Variants in CYP39A1 observed in about 807,000 individuals in gnomAD.
The protein encoded by CYP39A1 is cytochrome P450 family 39 subfamily A member 1.
A neutral mutation model predicts 58.1 loss-of-function variants in CYP39A1; 49 were observed. The observed-to-expected ratio is 0.84, with a 90% CI of 0.67 to 1.07. The LOEUF (loss-of-function observed/expected upper bound fraction) is 1.07, where lower values mean the gene tolerates loss of function less well. CYP39A1 is among the 50% of genes least tolerant of loss of function. The pLI is 0.00. For synonymous variants in CYP39A1, 209 were observed against 187.6 expected, an observed-to-expected ratio of 1.11 and a Z score of -0.93; for missense variants, 531 against 539.4, an observed-to-expected ratio of 0.98 and a Z score of 0.16.
At chr6:46,572,701 A>T (rs1176813287) in intron 10 of CYP39A1, among the ~76,000 whole-genome samples, 1 of 152,124 alleles carries the variant, frequency 6.6e-6, no homozygotes, top group Non-Finnish European at 1.5e-5. Flanking sequence ...AAATGTCCAT[A>T]TCTCTCTCAG....
chr6:46,616,192 T>TCCCTCCC (rs1283484565), intron 7 of CYP39A1, among the ~76,000 whole-genome samples: 1 of 3,760 alleles, frequency 2.7e-4, no homozygotes, highest in Admixed American at 2.4e-3. Context: ...TCTTTCTTCT[T>TCCCTCCC]TCCCTCCCTC....
intron 10 of CYP39A1, among the ~76,000 whole-genome samples, chr6:46,580,135 G>A (rs1772046479): frequency 6.6e-6 from 1 of 152,092 alleles, no homozygotes; most frequent in African/African-American, 2.4e-5. Flanking sequence ...CAAACAGCAT[G>A]ATACTGGTAC....
At chr6:46,651,006 G>C (rs1486754597) in intron 1 of CYP39A1, among the ~76,000 whole-genome samples, 1 of 152,180 alleles carries the variant, frequency 6.6e-6, no homozygotes, top group Non-Finnish European at 1.5e-5. Context: ...AAATTGCAAA[G>C]AATTATGGTA....
At chr6:46,557,566 C>A (rs986844105) in intron 10 of CYP39A1, among the ~76,000 whole-genome samples, 7 of 150,078 alleles carry the variant, frequency 4.7e-5, no homozygotes, top group African/African-American at 1.7e-4. Context: ...TAGCTTGAAC[C>A]AGGGAGGAGG....
intron 7 of CYP39A1, among the ~76,000 whole-genome samples, chr6:46,624,005 C>A (rs946827851): frequency 6.6e-6 from 1 of 152,084 alleles, no homozygotes; most frequent in African/African-American, 2.4e-5. Context: ...CAGAAGAGAA[C>A]AATGGGTTTT....
At chr6:46,650,306 G>T (rs1418689256) in intron 1 of CYP39A1, among the ~76,000 whole-genome samples, 1 of 151,698 alleles carries the variant, frequency 6.6e-6, no homozygotes, top group African/African-American at 2.4e-5. Context: ...GGGTAGGCTG[G>T]TGTGAGCCTT....
chr6:46,562,030 T>G lies in CYP39A1; in HGVS notation c.1251-8176A>C, dbSNP rs1423568958. Reference sequence around the variant, plus strand: ...GTTGCTAAGAGAGTAGTTTGTTTGTTTGTTTGTTTTTTGAGACAGTCTCAC... The same window carrying G: ...GTTGCTAAGAGAGTAGTTTGTTTGTGTGTTTGTTTTTTGAGACAGTCTCAC... On this transcript the variant is annotated intron_variant, in intron 10 of 11. Coordinates refer to ENST00000275016, the MANE Select transcript of CYP39A1 (RefSeq NM_016593.5). 4.6e-5 allele frequency among the ~76,000 whole-genome samples: 7 copies of G among 152,032 alleles called. No individual in the cohort carries two copies. In the East Asian group the frequency reaches 1.4e-3, roughly 29 times the overall value.
chr6:46,605,412 G>A (rs1239950682), intron 7 of CYP39A1, among the ~76,000 whole-genome samples: 1 of 152,046 alleles, frequency 6.6e-6, no homozygotes, highest in African/African-American at 2.4e-5. Flanking sequence ...TGGCAGACAG[G>A]ACTTTTGTTT....
intron 10 of CYP39A1, among the ~76,000 whole-genome samples, chr6:46,579,274 T>C (rs1255321802): frequency 1.3e-5 from 2 of 152,066 alleles, no homozygotes; most frequent in Admixed American, 6.6e-5. Context: ...ATCATCTCAA[T>C]AGATGCAGAA....
intron 10 of CYP39A1, among the ~76,000 whole-genome samples, chr6:46,565,700 G>T (rs1771238121): frequency 6.6e-6 from 1 of 152,136 alleles, no homozygotes; most frequent in African/African-American, 2.4e-5. Context: ...GGACCAAGGA[G>T]CAGGGACTGA....
At chr6:46,586,402 T>G (rs1772475880) in intron 10 of CYP39A1, 1 of 981,634 alleles carries the variant, frequency 1.0e-6, no homozygotes, top group African/African-American at 1.7e-5. Flanking sequence ...GATTGTAAAT[T>G]CTATGAAGTC....
At chr6:46,608,160 T>C (rs1424010156) in intron 7 of CYP39A1, among the ~76,000 whole-genome samples, 1 of 152,228 alleles carries the variant, frequency 6.6e-6, no homozygotes, top group Admixed American at 6.5e-5. Context: ...TTATAAAAAA[T>C]TAGTGTTTAT....
At chr6:46,644,105 C>G (rs1776504747) in intron 1 of CYP39A1, among the ~76,000 whole-genome samples, 1 of 152,052 alleles carries the variant, frequency 6.6e-6, no homozygotes, top group Non-Finnish European at 1.5e-5. Flanking sequence ...TAAATGATGC[C>G]CTTTTATAGC....
chr6:46,625,337 TTATAGG>T (rs1775245345), intron 7 of CYP39A1, 75 bp downstream of exon 7: 1 of 923,178 alleles, frequency 1.1e-6, no homozygotes, highest in East Asian at 2.6e-5. Context: ...TTTTATAAAA[TTATAGG>T]TATTTAGCTT....
At chr6:46,648,206 T>C (rs1400194431) in intron 1 of CYP39A1, among the ~76,000 whole-genome samples, 2 of 152,070 alleles carry the variant, frequency 1.3e-5, no homozygotes. Context: ...TAAAGACACA[T>C]GCACACGTAT....
chr6:46,645,929 T>G (rs879356877), intron 1 of CYP39A1, among the ~76,000 whole-genome samples: 2 of 152,146 alleles, frequency 1.3e-5, no homozygotes, highest in Non-Finnish European at 2.9e-5. Flanking sequence ...AATGTATTTT[T>G]AATTATGGTT....
intron 10 of CYP39A1, among the ~76,000 whole-genome samples, chr6:46,559,061 T>C (rs771054551): frequency 4.0e-5 from 6 of 151,480 alleles, no homozygotes; most frequent in Non-Finnish European, 8.8e-5. Flanking sequence ...GAGACTGATG[T>C]TGAAATGACA....
intron 10 of CYP39A1, among the ~76,000 whole-genome samples, chr6:46,559,086 C>T (rs548682849): frequency 7.6e-5 from 11 of 145,546 alleles, no homozygotes; most frequent in African/African-American, 3.0e-4. Context: ...ACCATTCATT[C>T]AGTAGAAAAT....
intron 7 of CYP39A1, among the ~76,000 whole-genome samples, chr6:46,611,944 A>G (rs1774242949): frequency 6.6e-6 from 1 of 152,220 alleles, no homozygotes; most frequent in Non-Finnish European, 1.5e-5. Flanking sequence ...TGAAAAATTC[A>G]CCAACAGAAT....
Sources: allele counts gnomAD v4.1 joint callset (sites outside exome capture counted in the v4.1 genomes callset), GRCh38; gene constraint gnomAD v4.1.1; transcripts MANE v1.5; gene names NCBI Gene and HGNC (gene_info 2026-07-23, HGNC 2026-07-21).